SNX29: variants seen among roughly 807,000 people sequenced by gnomAD.
SNX29 encodes the protein sorting nexin 29.
In SNX29, 78 loss-of-function variants were observed where a neutral mutation model predicts 102.1. That is an observed-to-expected ratio of 0.76 (90% CI 0.64 to 0.92). The LOEUF (loss-of-function observed/expected upper bound fraction) is 0.92. Ranked by LOEUF, SNX29 falls within the 40% of genes least tolerant of loss-of-function variation. The pLI is 0.00. For synonymous variants in SNX29, 580 were observed against 414.5 expected (o/e 1.40, Z -4.85); for missense variants, 1,280 against 1,061.7 (o/e 1.21, Z -2.86).
intron 3 of SNX29, among the ~76,000 whole-genome samples, chr16:12,010,447 C>T (rs1381945936): frequency 6.6e-6 from 1 of 152,036 alleles, no homozygotes; most frequent in Non-Finnish European, 1.5e-5. Context: ...CATGGCGAAA[C>T]CCCATGTCTA....
intron 20 of SNX29, among the ~76,000 whole-genome samples, chr16:12,558,190 T>TA (rs2078490678): frequency 6.6e-6 from 1 of 150,690 alleles, no homozygotes; most frequent in Admixed American, 6.6e-5. Flanking sequence ...TTTTAATAAT[T>TA]ACGGTTTACT....
At chr16:12,331,928 C>T (rs938940701) in intron 15 of SNX29, among the ~76,000 whole-genome samples, 33 of 152,128 alleles carry the variant, frequency 2.2e-4, no homozygotes, top group Admixed American at 7.8e-4. Context: ...CAAGTGGTGG[C>T]GCACGCCTGT....
chr16:12,435,063 T>C (rs1474444319), intron 18 of SNX29, among the ~76,000 whole-genome samples: 1 of 152,136 alleles, frequency 6.6e-6, no homozygotes, highest in Non-Finnish European at 1.5e-5. Flanking sequence ...TGGGCCAGTC[T>C]GTCCATCCCC....
At chr16:12,410,714 G>A (rs2084364259) in intron 18 of SNX29, among the ~76,000 whole-genome samples, 1 of 152,202 alleles carries the variant, frequency 6.6e-6, no homozygotes, top group African/African-American at 2.4e-5. Context: ...GATTACAGGT[G>A]CAAGCCACTG....
At chr16:12,389,004 T>C (rs2083433902) in intron 16 of SNX29, among the ~76,000 whole-genome samples, 1 of 152,184 alleles carries the variant, frequency 6.6e-6, no homozygotes, top group South Asian at 2.1e-4. Flanking sequence ...CGCTTAAACA[T>C]CCTTGATATC....
chr16:12,328,078 G>T (rs1345770863), intron 15 of SNX29, among the ~76,000 whole-genome samples: 1 of 152,142 alleles, frequency 6.6e-6, no homozygotes, highest in Non-Finnish European at 1.5e-5. Context: ...AGAGCCTCGG[G>T]TTGCCCATTG....
intron 16 of SNX29, among the ~76,000 whole-genome samples, chr16:12,385,520 C>A (rs967737611): frequency 6.6e-6 from 1 of 152,210 alleles, no homozygotes; most frequent in African/African-American, 2.4e-5. Context: ...GAGGCCAGCA[C>A]TCAGGGCCCT....
At chr16:12,161,450 C>G (rs1337492568) in intron 13 of SNX29, among the ~76,000 whole-genome samples, 2 of 152,150 alleles carry the variant, frequency 1.3e-5, no homozygotes, top group African/African-American at 2.4e-5. Flanking sequence ...GAGGCTGCAG[C>G]TTCTTTAAGT....
At chr16:12,175,835 T>C (rs978211852) in intron 13 of SNX29, among the ~76,000 whole-genome samples, 6 of 151,822 alleles carry the variant, frequency 4.0e-5, no homozygotes, top group African/African-American at 1.2e-4. Flanking sequence ...AGGAAGACCA[T>C]GTTTCTACAA....
chr16:12,289,275 C>T (rs975830802), intron 15 of SNX29, among the ~76,000 whole-genome samples: 2 of 152,236 alleles, frequency 1.3e-5, no homozygotes, highest in Non-Finnish European at 2.9e-5. Flanking sequence ...GGGTCCACTA[C>T]TGGCACTGTC....
chr16:12,059,654 C>G (rs765464577), intron 8 of SNX29, among the ~76,000 whole-genome samples: 1 of 152,180 alleles, frequency 6.6e-6, no homozygotes, highest in African/African-American at 2.4e-5. Flanking sequence ...GCGGACCAAA[C>G]CCGCCCCCAA....
At chr16:11,983,421 G>C (rs1035339887) in intron 1 of SNX29, among the ~76,000 whole-genome samples, 5 of 151,994 alleles carry the variant, frequency 3.3e-5, no homozygotes, top group African/African-American at 1.2e-4. Flanking sequence ...TTTTCTCCTC[G>C]GCACTGACTG....
At chr16:12,363,754 T>C (rs897179804) in intron 16 of SNX29, among the ~76,000 whole-genome samples, 5 of 152,242 alleles carry the variant, frequency 3.3e-5, no homozygotes, top group Admixed American at 6.5e-5. Context: ...TATCTTTTTA[T>C]AATGCAGGTT....
intron 5 of SNX29, among the ~76,000 whole-genome samples, chr16:12,045,688 G>A (rs987617195): frequency 6.6e-6 from 1 of 150,660 alleles, no homozygotes; most frequent in Non-Finnish European, 1.5e-5. Flanking sequence ...CTGGAGTACA[G>A]TGGCGCGATC....
intron 18 of SNX29, among the ~76,000 whole-genome samples, chr16:12,429,480 A>T (rs1038719053): frequency 3.3e-5 from 5 of 152,186 alleles, no homozygotes; most frequent in Non-Finnish European, 5.9e-5. Context: ...GAGTGCAATG[A>T]CAAGATCATA....
intron 13 of SNX29, among the ~76,000 whole-genome samples, chr16:12,175,348 T>C (rs1393554919): frequency 6.6e-6 from 1 of 151,964 alleles, no homozygotes; most frequent in East Asian, 1.9e-4. Flanking sequence ...AATGAGGTCA[T>C]AAGTGGGGGG....
chr16:12,223,326 G>A (rs768141267), intron 14 of SNX29, among the ~76,000 whole-genome samples: 17 of 152,162 alleles, frequency 1.1e-4, no homozygotes, highest in Non-Finnish European at 1.8e-4. Flanking sequence ...AGGAGTTTGA[G>A]ACCATCGTGG....
chr16:12,247,069 T>C lies in SNX29; in HGVS notation c.1679-30864T>C, dbSNP rs369545197. ...GGTTTGATCTTTATCCTAAGAAAGA[T>C]AGAAAACCTTTGAAGAGTCCTAAAC... On this transcript the variant is annotated intron_variant, in intron 14 of 20. Transcript: ENST00000566228. Among the ~76,000 whole-genome samples, 123 of 152,246 alleles carry C rather than the reference T, an allele frequency of 8.1e-4. 1 individual carries two copies. Among genetic ancestry groups the C allele is most frequent in the Admixed American group, 1.4e-3 (22 of 15,296 alleles).
intron 15 of SNX29, among the ~76,000 whole-genome samples, chr16:12,343,498 A>T (rs1022114847): frequency 6.6e-5 from 10 of 152,200 alleles, no homozygotes; most frequent in Admixed American, 5.2e-4. Context: ...ATGGGAGCAG[A>T]TGAATGATGG....
Sources: allele counts gnomAD v4.1 joint callset (sites outside exome capture counted in the v4.1 genomes callset), GRCh38; gene constraint gnomAD v4.1.1; transcripts MANE v1.5; gene names NCBI Gene and HGNC (gene_info 2026-07-23, HGNC 2026-07-21).